Variants in DIAPH3 observed in about 807,000 individuals in gnomAD.
DIAPH3 encodes protein diaphanous homolog 3.
Under a neutral mutation model 144.3 loss-of-function variants are expected in DIAPH3, and 117 were observed. That is an observed-to-expected ratio of 0.81 (90% CI 0.70 to 0.95). The LOEUF is 0.95. Among genes scored for constraint, DIAPH3 ranks in the 40% least tolerant of loss-of-function variants. DIAPH3 has a pLI of 0.00. For synonymous variants in DIAPH3, 519 were observed against 488.9 expected, an observed-to-expected ratio of 1.06 and a Z score of -0.81; for missense variants, 1,421 against 1,412.7, an observed-to-expected ratio of 1.01 and a Z score of -0.09.
intron 19 of DIAPH3, 98 bp downstream of exon 19, chr13:59,916,057 A>G: frequency 9.9e-7 from 1 of 1,012,774 alleles, no homozygotes; most frequent in Non-Finnish European, 1.6e-6. Context: ...TTTCCAGTTG[A>G]ATGATTTGGG....
At chr13:59,757,755 A>G (rs2037364251) in intron 27 of DIAPH3, among the ~76,000 whole-genome samples, 1 of 152,156 alleles carries the variant, frequency 6.6e-6, no homozygotes, top group African/African-American at 2.4e-5. Flanking sequence ...AAACACTGTT[A>G]AAAGAGTACA....
intron 24 of DIAPH3, among the ~76,000 whole-genome samples, chr13:59,818,199 T>C (rs2040880552): frequency 6.6e-6 from 1 of 151,914 alleles, no homozygotes; most frequent in Non-Finnish European, 1.5e-5. Context: ...ACCTGAAATA[T>C]TTACTATCTG....
At chr13:59,834,724 T>C (rs1271907931) in intron 23 of DIAPH3, among the ~76,000 whole-genome samples, 1 of 151,766 alleles carries the variant, frequency 6.6e-6, no homozygotes, top group Non-Finnish European at 1.5e-5. Flanking sequence ...AACTTCTGTA[T>C]TCGTCAAGAG....
At chr13:59,786,611 GA>G (rs1394782816) in intron 25 of DIAPH3, among the ~76,000 whole-genome samples, 1 of 152,138 alleles carries the variant, frequency 6.6e-6, no homozygotes, top group Non-Finnish European at 1.5e-5. Flanking sequence ...CAAGATGTAA[GA>G]GTAACCATAT....
At position 60,163,742 on chromosome 13, in the gene DIAPH3, G is replaced by A; in HGVS notation, c.25C>T (p.His9Tyr). The A allele has an allele frequency of 6.2e-7, 1 of 1,600,982 alleles. No individual in the cohort carries two copies. The highest frequency in any genetic ancestry group is 8.5e-7 in the Non-Finnish European group (1 of 1,174,332). MERHQPRL[H>Y]HPAQGSAAGT... ...GCGGCTGAGCCTTGGGCCGGGTGGT[G>A]CAGCCGCGGCTGGTGCCGTTCCATC... The change falls in exon 1 of 28, where the codon CAC becomes TAC. Residue 9 changes from histidine (H) to tyrosine (Y), a missense_variant. Coordinates refer to ENST00000400324, the MANE Select transcript of DIAPH3 (RefSeq NM_001042517.2).
chr13:59,861,294 G>T, intron 22 of DIAPH3, 113 bp downstream of exon 22: 1 of 1,578,146 alleles, frequency 6.3e-7, no homozygotes, highest in South Asian at 1.1e-5. Flanking sequence ...ATGAGATATT[G>T]GGTATGAAAA....
At chr13:59,835,039 A>G (rs2041971404) in intron 23 of DIAPH3, among the ~76,000 whole-genome samples, 1 of 151,686 alleles carries the variant, frequency 6.6e-6, no homozygotes, top group Non-Finnish European at 1.5e-5. Context: ...ACCTACCACA[A>G]ATATATCCCA....
chr13:60,006,320 C>T (rs1233654125), intron 9 of DIAPH3, among the ~76,000 whole-genome samples: 1 of 152,146 alleles, frequency 6.6e-6, no homozygotes, highest in Non-Finnish European at 1.5e-5. Context: ...CATTATTTAT[C>T]TCTTCCCTTA....
chr13:59,903,215 TG>T (rs1232069970), intron 20 of DIAPH3, among the ~76,000 whole-genome samples: 2 of 152,242 alleles, frequency 1.3e-5, no homozygotes, highest in Admixed American at 6.5e-5. Flanking sequence ...GACTGAACTC[TG>T]GGAAACATGA....
intron 21 of DIAPH3, among the ~76,000 whole-genome samples, chr13:59,870,406 G>A (rs1276777223): frequency 6.6e-6 from 1 of 151,878 alleles, no homozygotes; most frequent in Non-Finnish European, 1.5e-5. Flanking sequence ...GTCAGGGAGT[G>A]TCAGATTTCC....
chr13:59,694,500 C>T (rs1307866723), intron 27 of DIAPH3, among the ~76,000 whole-genome samples: 1 of 152,094 alleles, frequency 6.6e-6, no homozygotes, highest in South Asian at 2.1e-4. Context: ...TAGTTGGGTA[C>T]TTCAACAACT....
chr13:60,112,316 T>C (rs549676092), intron 2 of DIAPH3, 130 bp from the exon 3 acceptor site: 1 of 1,049,496 alleles, frequency 9.5e-7, no homozygotes, highest in African/African-American at 1.6e-5. Flanking sequence ...GCATTCAGCA[T>C]TGGAATATTT....
chr13:59,976,039 C>T (rs2050660259), intron 14 of DIAPH3, among the ~76,000 whole-genome samples: 1 of 151,966 alleles, frequency 6.6e-6, no homozygotes, highest in Non-Finnish European at 1.5e-5. Flanking sequence ...ATTGCCTTCA[C>T]ACCTCCCTTG....
chr13:59,738,606 G>A (rs1029643192), intron 27 of DIAPH3, among the ~76,000 whole-genome samples: 13 of 151,852 alleles, frequency 8.6e-5, no homozygotes, highest in African/African-American at 3.1e-4. Context: ...CTACTAAAAA[G>A]AGGATATGCA....
chr13:60,021,362 C>A (rs191327512), intron 5 of DIAPH3, among the ~76,000 whole-genome samples: 1 of 152,202 alleles, frequency 6.6e-6, no homozygotes, highest in Non-Finnish European at 1.5e-5. Context: ...CCCTGGCTCA[C>A]GCCTGTAATC....
At chr13:59,828,743 C>CTGT (rs1055801530) in intron 24 of DIAPH3, among the ~76,000 whole-genome samples, 2 of 151,356 alleles carry the variant, frequency 1.3e-5, no homozygotes, top group African/African-American at 4.9e-5. Flanking sequence ...TGGTTTTGTT[C>CTGT]TGTTGATCAT....
At chr13:59,882,973 GT>G (rs2045182422) in intron 20 of DIAPH3, among the ~76,000 whole-genome samples, 1 of 152,232 alleles carries the variant, frequency 6.6e-6, no homozygotes, top group South Asian at 2.1e-4. Context: ...GCAGTGACTG[GT>G]AAAAATCAAG....
chr13:59,749,709 G>A (rs1279470761), intron 27 of DIAPH3, among the ~76,000 whole-genome samples: 2 of 151,784 alleles, frequency 1.3e-5, no homozygotes, highest in African/African-American at 2.4e-5. Context: ...GTATTATACA[G>A]TTCATAGGTA....
chr13:59,783,123 A>G (rs1359515385), intron 25 of DIAPH3, among the ~76,000 whole-genome samples: 2 of 152,182 alleles, frequency 1.3e-5, no homozygotes, highest in Non-Finnish European at 2.9e-5. Flanking sequence ...AAACAAACAA[A>G]AAACAAACCC....
Sources: gnomAD v4.1 joint callset for allele counts (sites outside exome capture counted in the v4.1 genomes callset) on GRCh38, gnomAD v4.1.1 for gene constraint, MANE v1.5 for transcripts, NCBI Gene and HGNC (gene_info 2026-07-23, HGNC 2026-07-21) for gene names.